MED13: variants seen among roughly 807,000 people sequenced by gnomAD.
MED13 encodes mediator of RNA polymerase II transcription subunit 13.
A neutral mutation model predicts 225.2 loss-of-function variants in MED13; 23 were observed. That is an observed-to-expected ratio of 0.10 (90% CI 0.07 to 0.14). The LOEUF is 0.14. Among genes scored for constraint, MED13 ranks in the 10% least tolerant of loss-of-function variants. MED13 has a pLI of 1.00. For synonymous variants in MED13, 942 were observed against 889.2 expected (o/e 1.06, Z -1.06); for missense variants, 2,197 against 2,594.5 (o/e 0.85, Z 3.33).
intron 3 of MED13, among the ~76,000 whole-genome samples, chr17:62,048,041 T>TACATATAC (rs2080914984): frequency 8.6e-6 from 1 of 116,696 alleles, no homozygotes; most frequent in Non-Finnish European, 1.7e-5. Flanking sequence ...CATATACATA[T>TACATATAC]ACATATATAT....
chr17:62,035,408 C>T, intron 4 of MED13, 55 bp downstream of exon 4: 1 of 1,398,516 alleles, frequency 7.2e-7, no homozygotes, highest in Admixed American at 2.3e-5. Flanking sequence ...ATTATGAAGT[C>T]AAATAAGGAT....
At chr17:62,028,969 A>C (rs1268085402) in intron 8 of MED13, among the ~76,000 whole-genome samples, 2 of 152,142 alleles carry the variant, frequency 1.3e-5, no homozygotes, top group Admixed American at 1.3e-4. Flanking sequence ...AAGCCTGGAC[A>C]ACATACCAAG....
intron 9 of MED13, among the ~76,000 whole-genome samples, chr17:62,001,872 A>T (rs566190181): frequency 8.5e-5 from 13 of 152,348 alleles, no homozygotes; most frequent in Admixed American, 2.0e-4. Flanking sequence ...AACTGATTTT[A>T]AAAATACCTT....
At position 61,942,793 on chromosome 17, in the gene MED13, C is replaced by T. The variant is rs1197829880; in HGVS notation, c.*3675G>A. On this transcript the variant is annotated 3_prime_UTR_variant, in exon 30 of 30. Coordinates refer to ENST00000397786, the MANE Select transcript of MED13 (RefSeq NM_005121.3). Reference sequence around the variant, plus strand: ...CACGTTAAAAAGAAAAGCAATTGGACCATATTAAATGTCACTGCTAAACAA... The same window carrying T: ...CACGTTAAAAAGAAAAGCAATTGGATCATATTAAATGTCACTGCTAAACAA... The T allele has an allele frequency of 6.6e-6, 1 of 152,272 alleles. No individual in the cohort carries two copies. Among genetic ancestry groups the T allele is most frequent in the Admixed American group, 6.6e-5 (1 of 15,248 alleles). 9.4% of individuals were successfully genotyped at this position (152,272 alleles called of 1,614,324 possible). A position where few individuals can be genotyped will look rare whatever the true frequency, so the allele number is the denominator to read the frequency against.
intron 8 of MED13, among the ~76,000 whole-genome samples, chr17:62,022,353 AC>A (rs1419881268): frequency 6.6e-6 from 1 of 152,066 alleles, no homozygotes; most frequent in African/African-American, 2.4e-5. Flanking sequence ...CAGCAGTATT[AC>A]TTTTTTTTTA....
intron 5 of MED13, among the ~76,000 whole-genome samples, chr17:62,033,163 A>G (rs1342390311): frequency 2.6e-5 from 4 of 152,044 alleles, no homozygotes; most frequent in Non-Finnish European, 4.4e-5. Flanking sequence ...AAAAAAATAA[A>G]AATAAATTAA....
rs557746234 is a variant in MED13 at position 61,992,769 on chromosome 17, C to T, written c.2182-148G>A. On this transcript the variant is annotated intron_variant, in intron 10 of 29. Transcript: ENST00000397786. ...CTTACAGTAACAAGTAAGTAGTATG[C>T]TTATTATTACTTTTTTTTGAGATGG... The T allele has an allele frequency of 1.1e-3, 543 of 483,220 alleles. 2 individuals are homozygous for T. Among genetic ancestry groups the T allele is most frequent in the Non-Finnish European group, 1.7e-3 (477 of 286,318 alleles). 29.9% of individuals were successfully genotyped at this position (483,220 alleles called of 1,614,324 possible).
chr17:61,986,467 C>A (rs2080248687), intron 12 of MED13, among the ~76,000 whole-genome samples: 1 of 152,092 alleles, frequency 6.6e-6, no homozygotes, highest in South Asian at 2.1e-4. Context: ...GCTTTAATTT[C>A]TTTTATCTTC....
chr17:61,961,804 A>T lies in MED13; in HGVS notation c.5065-25T>A, dbSNP rs760267137. On this transcript the variant is annotated intron_variant, in intron 21 of 29. Transcript: ENST00000397786. ...TCTAAGAAGTATAGGCAAATATTACAAATGTTAAACTTCCAAAAGAGAATA... is the reference window on the plus strand; with the variant it reads ...TCTAAGAAGTATAGGCAAATATTACTAATGTTAAACTTCCAAAAGAGAATA... 243 of 1,597,128 alleles carry T rather than the reference A, an allele frequency of 1.5e-4. 3 individuals are homozygous for T. The South Asian group carries it at 2.7e-3, about 18-fold the overall frequency.
chr17:61,963,447 A>G (rs2143358992), intron 20 of MED13, among the ~76,000 whole-genome samples: 1 of 151,010 alleles, frequency 6.6e-6, no homozygotes, highest in South Asian at 2.1e-4. Flanking sequence ...ACATTTTCAG[A>G]CTCTCTCTCT....
chr17:62,032,156 TA>T (rs200787806), intron 5 of MED13, among the ~76,000 whole-genome samples: 5 of 146,466 alleles, frequency 3.4e-5, no homozygotes, highest in Admixed American at 6.8e-5. Flanking sequence ...ATCTTTTTCT[TA>T]AAAAAAAAAC....
At chr17:61,969,106 A>C (rs2080084350) in intron 17 of MED13, among the ~76,000 whole-genome samples, 1 of 152,148 alleles carries the variant, frequency 6.6e-6, no homozygotes, top group South Asian at 2.1e-4. Context: ...CTGTAATTTC[A>C]GCACTTTGGG....
At chr17:62,052,349 T>TA (rs1287571430) in intron 3 of MED13, among the ~76,000 whole-genome samples, 188 bp downstream of exon 3, 1 of 151,344 alleles carries the variant, frequency 6.6e-6, no homozygotes, top group Non-Finnish European at 1.5e-5. Flanking sequence ...AGAAAATGCT[T>TA]AAAGTGTATA....
At chr17:62,058,520 CAAAAAAAAA>C (rs751957495) in intron 2 of MED13, among the ~76,000 whole-genome samples, 4 of 53,456 alleles carry the variant, frequency 7.5e-5, no homozygotes, top group African/African-American at 1.5e-4. Flanking sequence ...GACTTCATCT[CAAAAAAAAA>C]AAAAAAAAAA....
At chr17:61,958,771 C>T (rs2079971868) in intron 23 of MED13, among the ~76,000 whole-genome samples, 1 of 152,178 alleles carries the variant, frequency 6.6e-6, no homozygotes, top group Non-Finnish European at 1.5e-5. Flanking sequence ...CCGTGCCCAG[C>T]CAACAGTGGC....
chr17:61,951,691 A>G (rs2079898123), intron 27 of MED13, among the ~76,000 whole-genome samples: 1 of 152,198 alleles, frequency 6.6e-6, no homozygotes, highest in Non-Finnish European at 1.5e-5. Flanking sequence ...TGTGGAAAGA[A>G]GATAATTTGC....
At chr17:61,968,607 G>A (rs981226023) in intron 17 of MED13, among the ~76,000 whole-genome samples, 4 of 152,184 alleles carry the variant, frequency 2.6e-5, no homozygotes, top group Admixed American at 1.3e-4. Context: ...TTACAGGTGT[G>A]AGCCACCATG....
At chr17:61,960,329 C>G (rs1310517578) in intron 23 of MED13, among the ~76,000 whole-genome samples, 1 of 151,670 alleles carries the variant, frequency 6.6e-6, no homozygotes, top group African/African-American at 2.4e-5. Context: ...AATGCAATGG[C>G]GTGATCTTGG....
At chr17:61,999,807 A>G (rs1020984942) in intron 9 of MED13, among the ~76,000 whole-genome samples, 2 of 152,208 alleles carry the variant, frequency 1.3e-5, no homozygotes, top group African/African-American at 4.8e-5. Flanking sequence ...CTGTAATCCC[A>G]GCGCTTTGGG....
Sources: gnomAD v4.1 joint callset for allele counts (sites outside exome capture counted in the v4.1 genomes callset) on GRCh38, gnomAD v4.1.1 for gene constraint, MANE v1.5 for transcripts, NCBI Gene and HGNC (gene_info 2026-07-23, HGNC 2026-07-21) for gene names.